The following ADGRL2 variants were observed in gnomAD, a reference collection of about 807,000 sequenced individuals.
ADGRL2 encodes the protein adhesion G protein-coupled receptor L2, also known as calcium-independent alpha-latrotoxin receptor 2.
A neutral mutation model predicts 157.4 loss-of-function variants in ADGRL2; 44 were observed. The ratio of observed to expected loss-of-function variants is 0.28; its 90% confidence interval spans 0.22 to 0.36. ADGRL2 has a LOEUF of 0.36. Ranked by LOEUF, ADGRL2 falls within the 10% of genes least tolerant of loss-of-function variation. The pLI, the probability that ADGRL2 is intolerant of heterozygous loss-of-function variation, is 1.00. For missense variants in ADGRL2, 1,510 were observed against 1,768.9 expected (o/e 0.85, Z 2.63); for synonymous variants, 585 against 624.7 (o/e 0.94, Z 0.95).
intron 3 of ADGRL2, among the ~76,000 whole-genome samples, chr1:81,621,907 G>T (rs2081799135): frequency 6.6e-6 from 1 of 152,158 alleles, no homozygotes; most frequent in Admixed American, 6.5e-5. Flanking sequence ...TTCCTCCTCT[G>T]CTCCTGGTTG....
chr1:81,436,140 A>G (rs6678576), intron 1 of ADGRL2, among the ~76,000 whole-genome samples: 4,766 of 152,284 alleles, frequency 0.031, 140 homozygotes, highest in African/African-American at 0.066. Flanking sequence ...GAAAGTATTC[A>G]GCACTGAAGT....
chr1:81,497,788 G>A (rs927206918), intron 2 of ADGRL2, among the ~76,000 whole-genome samples: 9 of 152,212 alleles, frequency 5.9e-5, no homozygotes, highest in African/African-American at 2.2e-4. Flanking sequence ...TTACATAGTT[G>A]TTAGCCATTA....
chr1:81,580,060 C>T (rs1411420159), intron 2 of ADGRL2, among the ~76,000 whole-genome samples: 1 of 152,118 alleles, frequency 6.6e-6, no homozygotes, highest in Non-Finnish European at 1.5e-5. Flanking sequence ...AAAGAGTTGT[C>T]AATTCTACAT....
chr1:81,840,760 G>A (rs1246436766), intron 2 of ADGRL2, among the ~76,000 whole-genome samples: 2 of 151,962 alleles, frequency 1.3e-5, no homozygotes, highest in African/African-American at 2.4e-5. Context: ...ATTATATTTA[G>A]AATTTCCAAA....
intron 3 of ADGRL2, among the ~76,000 whole-genome samples, chr1:81,682,103 ATGTGTGTGTG>A (rs57943530): frequency 3.4e-5 from 5 of 147,928 alleles, no homozygotes; most frequent in East Asian, 2.0e-4. Context: ...ATACATATAT[ATGTGTGTGTG>A]TGTGTGTGTG....
intron 2 of ADGRL2, among the ~76,000 whole-genome samples, chr1:81,550,714 T>C (rs948986836): frequency 2.0e-5 from 3 of 152,062 alleles, no homozygotes; most frequent in African/African-American, 7.2e-5. Flanking sequence ...ACAATTCCTC[T>C]GGGTAAAGGT....
chr1:81,956,622 C>A, intron 11 of ADGRL2, among the ~76,000 whole-genome samples: 1 of 152,004 alleles, frequency 6.6e-6, no homozygotes, highest in East Asian at 1.9e-4. Context: ...CAAATGCTAC[C>A]ACTGAGAGGT....
chr1:81,838,130 C>T (rs917212264), intron 2 of ADGRL2, among the ~76,000 whole-genome samples: 9 of 151,764 alleles, frequency 5.9e-5, no homozygotes, highest in African/African-American at 1.9e-4. Context: ...TGTATTATTC[C>T]GTTGTCTGTG....
chr1:81,575,691 G>T (rs1174881076), intron 2 of ADGRL2, among the ~76,000 whole-genome samples: 1 of 151,790 alleles, frequency 6.6e-6, no homozygotes, highest in Non-Finnish European at 1.5e-5. Context: ...TGGAGAAGTT[G>T]GTATAGTTAC....
At chr1:81,788,122 A>G (rs775073731) in intron 2 of ADGRL2, among the ~76,000 whole-genome samples, 55 of 152,178 alleles carry the variant, frequency 3.6e-4, no homozygotes, top group Non-Finnish European at 7.1e-4. Context: ...ACATTACACA[A>G]ATGGAGTGAT....
In ADGRL2 at chr1:81,571,492, A is replaced by G. The variant is rs1021167461; in HGVS notation, c.-247-9384A>G. Reference sequence around the variant, plus strand: ...TAGGCCAGATTCAGTAGTTGGGTGGACTTTTGAACAACTATCTTGATTTCA... The same window carrying G: ...TAGGCCAGATTCAGTAGTTGGGTGGGCTTTTGAACAACTATCTTGATTTCA... On this transcript the variant is annotated intron_variant, in intron 2 of 24. Coordinates refer to the ADGRL2 transcript ENST00000370721. Among the ~76,000 whole-genome samples, 6 of 150,160 alleles carry G rather than the reference A, an allele frequency of 4.0e-5. No individual in the cohort carries two copies. The Admixed American group carries it at 4.0e-4, about 10-fold the overall frequency.
In ADGRL2 at chr1:81,950,481, A is replaced by G; in HGVS notation, c.1503A>G (p.Arg501=). The G allele has an allele frequency of 6.2e-7, 1 of 1,610,648 alleles. No homozygotes were observed. Among genetic ancestry groups the G allele is most frequent in the Non-Finnish European group, 8.5e-7 (1 of 1,178,280 alleles). The change falls in exon 7 of 24, where the codon AGA becomes AGG. Residue 501 remains arginine, a splice_region_variant and synonymous_variant. Transcript: ENST00000686636. ...AACGACCATGCCCTAAGGGAACAAGAGGTATTTTCTATAAACTACCATGCA... is the reference window on the plus strand; with the variant it reads ...AACGACCATGCCCTAAGGGAACAAGGGGTATTTTCTATAAACTACCATGCA... ...MVERPCPKGT[R]GTASYLCMIS...
chr1:81,970,639 T>G, intron 16 of ADGRL2, 105 bp downstream of exon 16: 1 of 801,594 alleles, frequency 1.2e-6, no homozygotes, highest in Non-Finnish European at 2.0e-6. Context: ...ATCTGAAAGC[T>G]TTATTGGTAA....
chr1:81,367,589 C>T (rs12127392), intron 1 of ADGRL2, among the ~76,000 whole-genome samples: 5,247 of 152,136 alleles, frequency 0.034, 118 homozygotes, highest in Middle Eastern at 0.099. Context: ...GACGGAGTTT[C>T]GCTCTTATTG....
At chr1:81,683,590 A>T (rs1170352506) in intron 3 of ADGRL2, among the ~76,000 whole-genome samples, 2 of 152,138 alleles carry the variant, frequency 1.3e-5, no homozygotes, top group Non-Finnish European at 2.9e-5. Flanking sequence ...AATAGTCTCC[A>T]ATCTCATCCA....
chr1:81,539,982 T>C (rs1241344904), intron 2 of ADGRL2, among the ~76,000 whole-genome samples: 2 of 152,142 alleles, frequency 1.3e-5, no homozygotes, highest in South Asian at 2.1e-4. Flanking sequence ...TAGGTATTTT[T>C]CTCCCAAACA....
At chr1:81,604,245 G>A (rs191252675) in intron 3 of ADGRL2, among the ~76,000 whole-genome samples, 16 of 152,260 alleles carry the variant, frequency 1.1e-4, no homozygotes, top group African/African-American at 1.9e-4. Context: ...GATTACAGGC[G>A]TGAGCCGCTG....
intron 3 of ADGRL2, among the ~76,000 whole-genome samples, chr1:81,588,967 A>G (rs2081079730): frequency 6.6e-6 from 1 of 152,168 alleles, no homozygotes; most frequent in African/African-American, 2.4e-5. Context: ...TCTAGACTCA[A>G]AACCTGAAGT....
intron 17 of ADGRL2, among the ~76,000 whole-genome samples, chr1:81,978,565 T>C (rs1001305435): frequency 9.2e-5 from 14 of 151,918 alleles, no homozygotes; most frequent in Admixed American, 3.3e-4. Flanking sequence ...AGAGAAATCA[T>C]AGGGCACAGT....
Sources: allele counts gnomAD v4.1 joint callset (sites outside exome capture counted in the v4.1 genomes callset), GRCh38; gene constraint gnomAD v4.1.1; transcripts MANE v1.5; gene names NCBI Gene and HGNC (gene_info 2026-07-23, HGNC 2026-07-21).